Variants in LMNTD1 observed in about 807,000 individuals in gnomAD.
The protein encoded by LMNTD1 is lamin tail domain containing 1, also known as lamin tail domain-containing protein 1.
In LMNTD1, 35 loss-of-function variants were observed where a neutral mutation model predicts 50.9. That is an observed-to-expected ratio of 0.69 (90% CI 0.53 to 0.91). The LOEUF (loss-of-function observed/expected upper bound fraction) is 0.91, where lower values mean the gene tolerates loss of function less well. LMNTD1 is among the 40% of genes least tolerant of loss of function. LMNTD1 has a pLI of 0.00. For missense variants in LMNTD1, 470 were observed against 475.5 expected, an observed-to-expected ratio of 0.99 and a Z score of 0.11; for synonymous variants, 153 against 161.9, an observed-to-expected ratio of 0.94 and a Z score of 0.42.
At chr12:25,632,941 G>A (rs1232776854) in intron 1 of LMNTD1, among the ~76,000 whole-genome samples, 1 of 151,312 alleles carries the variant, frequency 6.6e-6, no homozygotes, top group Non-Finnish European at 1.5e-5. Flanking sequence ...TAACACATAA[G>A]GACTCACATA....
At position 25,585,572 on chromosome 12, in the gene LMNTD1, T is replaced by G. The variant is rs558706772; in HGVS notation, c.59-39018A>C. 4.6e-5 allele frequency among the ~76,000 whole-genome samples: 7 copies of G among 152,212 alleles called. No homozygotes were observed. In the South Asian group the frequency reaches 6.2e-4, roughly 13 times the overall value. On this transcript the variant is annotated intron_variant, in intron 1 of 7. Transcript: ENST00000445693. ...ATCCTTTTCCCCCCAGGTAAAATCTTTTAAAGTAATTTTGAAATGCAATTG... is the reference window on the plus strand; with the variant it reads ...ATCCTTTTCCCCCCAGGTAAAATCTGTTAAAGTAATTTTGAAATGCAATTG...
intron 6 of LMNTD1, 31 bp downstream of exon 6, chr12:25,526,068 A>C (rs766228353): frequency 6.5e-7 from 1 of 1,531,974 alleles, no homozygotes; most frequent in Admixed American, 2.3e-5. Context: ...ATTTAAAAAA[A>C]AAAAACGATT....
intron 1 of LMNTD1, among the ~76,000 whole-genome samples, chr12:25,576,135 G>C (rs1327973600): frequency 1.3e-5 from 2 of 152,130 alleles, no homozygotes; most frequent in African/African-American, 4.8e-5. Flanking sequence ...ATTGTGAATA[G>C]TGCCGCAATA....
intron 4 of LMNTD1, among the ~76,000 whole-genome samples, chr12:25,530,248 A>G (rs183009022): frequency 6.6e-6 from 1 of 152,298 alleles, no homozygotes; most frequent in East Asian, 1.9e-4. Context: ...TATTTTCTGC[A>G]AGAAGAGACT....
chr12:25,572,923 G>T (rs1416990104), intron 1 of LMNTD1, among the ~76,000 whole-genome samples: 1 of 151,866 alleles, frequency 6.6e-6, no homozygotes, highest in African/African-American at 2.4e-5. Flanking sequence ...TCCCTTGCAG[G>T]TAAGTCACGC....
At chr12:25,632,990 A>C (rs1946753415) in intron 1 of LMNTD1, among the ~76,000 whole-genome samples, 1 of 151,952 alleles carries the variant, frequency 6.6e-6, no homozygotes, top group African/African-American at 2.4e-5. Flanking sequence ...ATTTCACGCA[A>C]ATAGACACCA....
At chr12:25,625,476 TC>T (rs1432968337) in intron 1 of LMNTD1, among the ~76,000 whole-genome samples, 6 of 152,056 alleles carry the variant, frequency 3.9e-5, no homozygotes, top group African/African-American at 1.4e-4. Context: ...GGCCTATGTT[TC>T]TATATCTATG....
chr12:25,527,872 A>T (rs898205661), intron 4 of LMNTD1, among the ~76,000 whole-genome samples: 1 of 151,388 alleles, frequency 6.6e-6, no homozygotes, highest in African/African-American at 2.4e-5. Flanking sequence ...TTTTTAAAAC[A>T]TATTTGAAGC....
At chr12:25,555,551 A>G (rs1377299019), upstream of LMNTD1, among the ~76,000 whole-genome samples, 1 of 152,230 alleles carries the variant, frequency 6.6e-6, no homozygotes. Flanking sequence ...ATATTAAGGA[A>G]TAACTGGTAA....
intron 8 of LMNTD1, among the ~76,000 whole-genome samples, chr12:25,508,094 CCTT>C: frequency 8.0e-6 from 1 of 124,368 alleles, no homozygotes; most frequent in Admixed American, 8.7e-5. Context: ...TGCTTTCTTC[CCTT>C]ACCAGTTTTT....
At position 25,579,666 on chromosome 12, in the gene LMNTD1, C is replaced by T. The variant is rs572981420; in HGVS notation, c.59-33112G>A. On this transcript the variant is annotated intron_variant, in intron 1 of 7. Transcript: ENST00000445693. ...CCAAACATCCTGGAGATGTTATCTC[C>T]ATCTCCCTGTGCTATCTCAGTAAAA... Among the ~76,000 whole-genome samples the T allele has an allele frequency of 2.6e-5, 4 of 152,220 alleles. No homozygotes were observed. The East Asian group carries it at 7.7e-4, about 29-fold the overall frequency.
intron 3 of LMNTD1, among the ~76,000 whole-genome samples, chr12:25,546,927 A>T (rs1278263952): frequency 1.3e-5 from 2 of 151,716 alleles, no homozygotes; most frequent in Non-Finnish European, 3.0e-5. Context: ...ATATAGCCTT[A>T]TTCTACTTCA....
intron 1 of LMNTD1, among the ~76,000 whole-genome samples, chr12:25,616,041 T>C (rs1279851218): frequency 1.3e-5 from 2 of 151,596 alleles, no homozygotes; most frequent in South Asian, 2.1e-4. Flanking sequence ...TGAAGTCTAC[T>C]TCTAGTAGGG....
At chr12:25,643,534 G>A (rs1213245667) in intron 1 of LMNTD1, among the ~76,000 whole-genome samples, 2 of 152,198 alleles carry the variant, frequency 1.3e-5, no homozygotes, top group African/African-American at 4.8e-5. Context: ...ATCCCAGGAA[G>A]TTCTGTAGCA....
intron 8 of LMNTD1, among the ~76,000 whole-genome samples, chr12:25,517,707 GAATAATAATAATAAT>G (rs71851020): frequency 7.2e-5 from 10 of 139,200 alleles, no homozygotes; most frequent in African/African-American, 1.9e-4. Flanking sequence ...TAAAGTGTAA[GAATAATAATAATAAT>G]AATAATAATA....
At chr12:25,508,759 C>T (rs899229645) in intron 8 of LMNTD1, among the ~76,000 whole-genome samples, 1 of 152,134 alleles carries the variant, frequency 6.6e-6, no homozygotes, top group Non-Finnish European at 1.5e-5. Flanking sequence ...AAAGAGAATT[C>T]TTGTCTTGCT....
In LMNTD1 at chr12:25,518,790, C is replaced by G. The variant is rs1463749797; in HGVS notation, c.1189+5G>C. ...TCCACTGGAACAAGCACTCTTTTAACTGACCTGAGGCTCGATTAGGTCTGG... is the reference window on the plus strand; with the variant it reads ...TCCACTGGAACAAGCACTCTTTTAAGTGACCTGAGGCTCGATTAGGTCTGG... On this transcript the variant is annotated splice_donor_5th_base_variant and intron_variant, in intron 8 of 9. Transcript: ENST00000458174. The G allele has an allele frequency of 2.5e-6, 4 of 1,613,728 alleles. No individual in the cohort carries two copies. In the African/African-American group the frequency reaches 4.0e-5, roughly 16 times the overall value.
Position 25,532,451 on chromosome 12 carries a change from C to T in LMNTD1, c.492-5496G>A, listed in dbSNP as rs140585324. Among the ~76,000 whole-genome samples, 24 of 152,210 alleles carry T rather than the reference C, an allele frequency of 1.6e-4. No individual in the cohort carries two copies. In the East Asian group the frequency reaches 3.9e-3, roughly 24 times the overall value. On this transcript the variant is annotated intron_variant, in intron 4 of 9. Coordinates refer to ENST00000458174, the MANE Select transcript of LMNTD1 (RefSeq NM_001145728.2). ...GCCAACTTTTATTCACCCAGTCATACGAATCTTGAGAAAAACCTCTAACTT... is the reference window on the plus strand; with the variant it reads ...GCCAACTTTTATTCACCCAGTCATATGAATCTTGAGAAAAACCTCTAACTT...
At chr12:25,577,841 G>C (rs1945099151) in intron 1 of LMNTD1, among the ~76,000 whole-genome samples, 2 of 152,270 alleles carry the variant, frequency 1.3e-5, no homozygotes, top group South Asian at 2.1e-4. Flanking sequence ...TCAGTAAATA[G>C]ATTCTGCGCG....
Sources: allele counts gnomAD v4.1 joint callset (sites outside exome capture counted in the v4.1 genomes callset), GRCh38; gene constraint gnomAD v4.1.1; transcripts MANE v1.5; gene names NCBI Gene and HGNC (gene_info 2026-07-23, HGNC 2026-07-21).